DNAAF11: variants seen among roughly 807,000 people sequenced by gnomAD.
The protein encoded by DNAAF11 is leucine rich repeat containing 6.
DNAAF11 carries 45 observed loss-of-function variants against 60.8 expected under a neutral mutation model. The ratio of observed to expected loss-of-function variants is 0.74; its 90% CI spans 0.58 to 0.95. The LOEUF is 0.95. Ranked by LOEUF, DNAAF11 falls within the 40% of genes least tolerant of loss-of-function variation. The probability of loss-of-function intolerance (pLI) is 0.00; values close to 1 mark genes in which losing one functional copy is unlikely to be tolerated. For missense variants in DNAAF11, 546 were observed against 546.2 expected (o/e 1.00, Z 0.00); for synonymous variants, 191 against 183.5 (o/e 1.04, Z -0.33).
At chr8:132,657,553 C>T (rs186941759) in intron 2 of DNAAF11, among the ~76,000 whole-genome samples, 1 of 152,064 alleles carries the variant, frequency 6.6e-6, no homozygotes, top group African/African-American at 2.4e-5. Context: ...ACTGTTCTAC[C>T]ACATTTAGTT....
chr8:132,591,636 T>C (rs1043515251), intron 10 of DNAAF11, among the ~76,000 whole-genome samples: 3 of 152,078 alleles, frequency 2.0e-5, no homozygotes, highest in Non-Finnish European at 4.4e-5. Flanking sequence ...CATATCAGCA[T>C]TTAAAAAATT....
the DNAAF11 span, among the ~76,000 whole-genome samples, chr8:132,699,389 A>G: frequency 1.3e-5 from 2 of 152,142 alleles, no homozygotes; most frequent in African/African-American, 4.8e-5. Flanking sequence ...GAGCAGTGCT[A>G]GGCGCTGTGA....
At chr8:132,646,886 A>T (rs535005204) in intron 3 of DNAAF11, among the ~76,000 whole-genome samples, 2 of 152,268 alleles carry the variant, frequency 1.3e-5, no homozygotes, top group East Asian at 1.9e-4. Context: ...CTCCCACACA[A>T]TAATAATGGG....
chr8:132,670,670 G>T (rs893585820), intron 1 of DNAAF11, among the ~76,000 whole-genome samples: 3 of 152,074 alleles, frequency 2.0e-5, no homozygotes, highest in African/African-American at 7.2e-5. Context: ...GAAAACTACA[G>T]ATCCATGTAC....
chr8:132,571,499 A>C lies in DNAAF11; in HGVS notation c.*807T>G, dbSNP rs534452222. On this transcript the variant is annotated 3_prime_UTR_variant, in exon 12 of 12. Coordinates refer to ENST00000620350, the MANE Select transcript of DNAAF11 (RefSeq NM_012472.6). Reference sequence around the variant, plus strand: ...AGAAGGAGTGGGATGGGGAGTAAAAAGGTGAAGAAAAAGAATAAGGGGAGA... The same window carrying C: ...AGAAGGAGTGGGATGGGGAGTAAAACGGTGAAGAAAAAGAATAAGGGGAGA... Among the ~76,000 whole-genome samples, 3 of 152,042 alleles carry C rather than the reference A, an allele frequency of 2.0e-5. No homozygotes were observed. The highest frequency in any genetic ancestry group is 7.2e-5 in the African/African-American group (3 of 41,514).
intron 2 of DNAAF11, among the ~76,000 whole-genome samples, chr8:132,659,080 A>T (rs1438975362): frequency 6.6e-6 from 1 of 152,154 alleles, no homozygotes; most frequent in Non-Finnish European, 1.5e-5. Context: ...GAAGCTGTTG[A>T]AAGGGTTGAT....
intron 7 of DNAAF11, among the ~76,000 whole-genome samples, chr8:132,619,569 T>C (rs1008697646): frequency 6.6e-6 from 1 of 152,046 alleles, no homozygotes; most frequent in Admixed American, 6.6e-5. Flanking sequence ...CTAAGGAAAT[T>C]TCAGGATGAT....
chr8:132,611,501 A>G (rs997856757), intron 8 of DNAAF11, 138 bp from the exon 9 acceptor site: 8 of 518,844 alleles, frequency 1.5e-5, no homozygotes, highest in Non-Finnish European at 2.4e-5. Context: ...TCTTTAAAAA[A>G]TTAGTTTTAA....
chr8:132,584,714 T>C (rs567042161), intron 10 of DNAAF11, among the ~76,000 whole-genome samples: 1 of 152,212 alleles, frequency 6.6e-6, no homozygotes, highest in African/African-American at 2.4e-5. Flanking sequence ...ACCTGCCACA[T>C]CTCTCTTATG....
chr8:132,679,879 T>A (rs534174515), upstream of DNAAF11, among the ~76,000 whole-genome samples: 1 of 152,334 alleles, frequency 6.6e-6, no homozygotes, highest in African/African-American at 2.4e-5. Context: ...TTAAACCTCT[T>A]TCTTTTGGAC....
Position 132,625,319 on chromosome 8 carries a change from T to C in DNAAF11, c.789A>G (p.Glu263=). 1 of 1,613,106 alleles carries C rather than the reference T, an allele frequency of 6.2e-7. No individual in the cohort carries two copies. The highest frequency in any genetic ancestry group is 8.5e-7 in the Non-Finnish European group (1 of 1,179,502). Reference sequence around the variant, plus strand: ...GTTGTTTTTCCATGTGTCTAAGAGTTTCCAATCTTGATTCAGGAGTAAACA... The same window carrying C: ...GTTGTTTTTCCATGTGTCTAAGAGTCTCCAATCTTGATTCAGGAGTAAACA... ...PCLFTPESRL[E]TLRHMEKQRK... Residue 263 remains glutamate (E), a synonymous_variant, in exon 6 of 12, where the codon GAA becomes GAG. Coordinates refer to ENST00000620350, the MANE Select transcript of DNAAF11 (RefSeq NM_012472.6).
rs1818520402 is a variant in DNAAF11, at chr8:132,610,233, A to C, written c.1073T>G (p.Val358Gly). Residue 358 changes from valine (V) to glycine (G), a missense_variant, in exon 10 of 12, where the codon GTG (valine) becomes GGG (glycine). By Grantham distance (109) the Val-to-Gly change is moderately radical. Coordinates refer to ENST00000620350, the MANE Select transcript of DNAAF11 (RefSeq NM_012472.6). ...KPFQLVLPAE[V>G]KPDSSSAKRS... ...TTTAGCAGAACTACTATCGGGTTTC[A>C]CTTCTGCAGGAAGGACAAGCTGAAA... The C allele has an allele frequency of 6.2e-7, 1 of 1,613,792 alleles. No homozygotes were observed. Among genetic ancestry groups the C allele is most frequent in the Non-Finnish European group, 8.5e-7 (1 of 1,179,856 alleles).
intron 8 of DNAAF11, among the ~76,000 whole-genome samples, chr8:132,611,727 C>A (rs948277175): frequency 2.6e-5 from 4 of 152,070 alleles, no homozygotes; most frequent in Admixed American, 1.3e-4. Flanking sequence ...CTGCTTGAGG[C>A]CTGCAACCAC....
chr8:132,607,018 G>T (rs1216829376), intron 10 of DNAAF11, among the ~76,000 whole-genome samples: 1 of 152,176 alleles, frequency 6.6e-6, no homozygotes, highest in Non-Finnish European at 1.5e-5. Flanking sequence ...TAGCCTAAGG[G>T]TATAGTGTTT....
the DNAAF11 span, among the ~76,000 whole-genome samples, chr8:132,693,871 G>A: frequency 1.3e-5 from 2 of 152,182 alleles, no homozygotes; most frequent in African/African-American, 2.4e-5. Flanking sequence ...TATTGGATGA[G>A]GACAGAGATG....
chr8:132,670,543 A>C (rs369756549), intron 1 of DNAAF11, among the ~76,000 whole-genome samples: 17 of 152,174 alleles, frequency 1.1e-4, no homozygotes, highest in Non-Finnish European at 1.3e-4. Flanking sequence ...CCAAAAACTT[A>C]AGGGAAAATA....
intron 3 of DNAAF11, among the ~76,000 whole-genome samples, chr8:132,642,643 CA>C (rs941712109): frequency 6.6e-6 from 1 of 152,224 alleles, no homozygotes; most frequent in African/African-American, 2.4e-5. Flanking sequence ...TGAGAGAGAA[CA>C]AAATCTGCTT....
At chr8:132,694,423 C>T in the DNAAF11 span, among the ~76,000 whole-genome samples, 1 of 152,074 alleles carries the variant, frequency 6.6e-6, no homozygotes, top group South Asian at 2.1e-4. Context: ...GAGAAGATGG[C>T]CATCCACAAG....
the DNAAF11 span, among the ~76,000 whole-genome samples, chr8:132,682,248 AC>A: frequency 6.6e-6 from 1 of 152,004 alleles, no homozygotes; most frequent in Admixed American, 6.6e-5. Context: ...TGGTTCTTGG[AC>A]CCCTGAGGCT....
Sources: gnomAD v4.1 joint callset for allele counts (sites outside exome capture counted in the v4.1 genomes callset) on GRCh38, gnomAD v4.1.1 for gene constraint, MANE v1.5 for transcripts, NCBI Gene and HGNC (gene_info 2026-07-23, HGNC 2026-07-21) for gene names.